Variants in KIAA1217 observed in about 807,000 individuals in gnomAD.
KIAA1217 encodes the protein KIAA1217, also known as sickle tail protein homolog.
Under a neutral mutation model 163.9 loss-of-function variants are expected in KIAA1217, and 88 were observed. The observed-to-expected ratio is 0.54, with a 90% CI of 0.45 to 0.64. The LOEUF (loss-of-function observed/expected upper bound fraction) is 0.64. KIAA1217 is among the 30% of genes least tolerant of loss of function. The pLI is 0.00. For synonymous variants in KIAA1217, 903 were observed against 923.1 expected, an observed-to-expected ratio of 0.98 and a Z score of 0.39; for missense variants, 2,372 against 2,475.0, an observed-to-expected ratio of 0.96 and a Z score of 0.88.
In KIAA1217 at chr10:24,543,582, C is replaced by T. The variant is rs1199977214; in HGVS notation, c.4312C>T (p.Leu1438=). 2 of 1,614,090 alleles carry T rather than the reference C, an allele frequency of 1.2e-6. No homozygotes were observed. Among genetic ancestry groups the T allele is most frequent in the Non-Finnish European group, 1.7e-6 (2 of 1,180,026 alleles). ...GTDNEDPVVC[L]DKKPVIIIFD... ...TGACAATGAGGATCCAGTCGTGTGCCTGGACAAGAAACCAGTGATCATCAT... is the reference window on the plus strand; with the variant it reads ...TGACAATGAGGATCCAGTCGTGTGCTTGGACAAGAAACCAGTGATCATCAT... The change falls in exon 19 of 21, where the codon CTG becomes TTG. Residue 1438 remains leucine (L), a synonymous_variant. Transcript: ENST00000376454.
rs916703313 is a variant in KIAA1217 at position 23,773,768 on chromosome 10, C to G, written c.-321+78534C>G. The stretch of plus-strand genomic sequence containing the variant: ...CTCATGATTTGGCTCTCTGTCTGTT[C>G]TTGGTGTATAAGAATGCTTGTGATT... On this transcript the variant is annotated intron_variant, in intron 1 of 18. Transcript: ENST00000376462. Among the ~76,000 whole-genome samples the G allele has an allele frequency of 1.3e-4, 19 of 151,884 alleles. No individual in the cohort carries two copies. In the East Asian group the frequency reaches 1.9e-3, roughly 15 times the overall value.
At chr10:24,472,969 C>G (rs2063687013) in intron 5 of KIAA1217, among the ~76,000 whole-genome samples, 1 of 152,174 alleles carries the variant, frequency 6.6e-6, no homozygotes, top group South Asian at 2.1e-4. Flanking sequence ...TCCCCTGGAG[C>G]TGATTTCCCT....
At chr10:24,132,740 A>G (rs534672746) in intron 2 of KIAA1217, among the ~76,000 whole-genome samples, 1 of 152,324 alleles carries the variant, frequency 6.6e-6, no homozygotes, top group South Asian at 2.1e-4. Context: ...ATGGCCCCCA[A>G]GAGTGAAGGT....
chr10:24,230,016 A>G (rs556040926), intron 2 of KIAA1217, among the ~76,000 whole-genome samples: 1 of 152,324 alleles, frequency 6.6e-6, no homozygotes. Flanking sequence ...AATATTAATA[A>G]GCCACAATAG....
At chr10:23,966,812 T>C (rs1489220088) in intron 1 of KIAA1217, among the ~76,000 whole-genome samples, 1 of 152,208 alleles carries the variant, frequency 6.6e-6, no homozygotes, top group African/African-American at 2.4e-5. Context: ...TATGTGATGA[T>C]GTAATTAATT....
chr10:23,838,127 G>A (rs1302510641), intron 1 of KIAA1217, among the ~76,000 whole-genome samples: 1 of 152,168 alleles, frequency 6.6e-6, no homozygotes, highest in Non-Finnish European at 1.5e-5. Flanking sequence ...TGTTGGGCAT[G>A]TGGAGATTGT....
At chr10:24,255,640 G>A (rs753613780) in intron 2 of KIAA1217, 1 of 426,148 alleles carries the variant, frequency 2.3e-6, no homozygotes, top group South Asian at 1.7e-5. Context: ...CCCCCCCTGG[G>A]GTCCCTAAAC....
At position 24,524,780 on chromosome 10, in the gene KIAA1217, T is replaced by C. The variant is rs776829155; in HGVS notation, c.2898+16T>C. 1.3e-6 allele frequency: 2 copies of C among 1,563,098 alleles called. No individual in the cohort carries two copies. Among genetic ancestry groups the C allele is most frequent in the Admixed American group, 1.8e-5 (1 of 55,554 alleles). ...GTCTATCGAGGTAGAGTCCTATTTC[T>C]GTTTCTCATAACCCCATAAAGGAGT... is the stretch of plus-strand genomic sequence containing the variant. On this transcript the variant is annotated intron_variant, in intron 13 of 20. Transcript: ENST00000376454.
intron 1 of KIAA1217, among the ~76,000 whole-genome samples, chr10:23,989,550 G>A (rs1350656041): frequency 6.6e-6 from 1 of 152,180 alleles, no homozygotes; most frequent in Non-Finnish European, 1.5e-5. Context: ...CCTGTCACAT[G>A]AGAGTCTTTA....
intron 2 of KIAA1217, among the ~76,000 whole-genome samples, chr10:24,097,968 T>C (rs1298521536): frequency 6.6e-6 from 1 of 151,988 alleles, no homozygotes; most frequent in Non-Finnish European, 1.5e-5. Context: ...CGGATCTCTG[T>C]GTTCCAGGGG....
chr10:24,171,547 G>A (rs979576279), intron 2 of KIAA1217, among the ~76,000 whole-genome samples: 10 of 152,200 alleles, frequency 6.6e-5, no homozygotes, highest in African/African-American at 1.4e-4. Flanking sequence ...GCTCACGCCT[G>A]TAATCCCAGC....
intron 1 of KIAA1217, among the ~76,000 whole-genome samples, chr10:23,846,437 A>C (rs1771008699): frequency 6.6e-6 from 1 of 151,990 alleles, no homozygotes. Context: ...CTCCTTGAAG[A>C]GGTCCTTCAC....
At chr10:23,896,195 G>T (rs1320019459) in intron 1 of KIAA1217, among the ~76,000 whole-genome samples, 2 of 151,244 alleles carry the variant, frequency 1.3e-5, no homozygotes, top group South Asian at 2.1e-4. Context: ...AAGGCAAATG[G>T]CTCCATATTT....
At chr10:23,708,330 T>C (rs1279256430) in intron 1 of KIAA1217, among the ~76,000 whole-genome samples, 2 of 152,160 alleles carry the variant, frequency 1.3e-5, no homozygotes, top group Non-Finnish European at 2.9e-5. Flanking sequence ...CCAAACCCTA[T>C]TACAGGGTTA....
In KIAA1217 at chr10:24,474,239, T is replaced by A. The variant is rs148868420; in HGVS notation, c.1679+179T>A. On this transcript the variant is annotated intron_variant, in intron 6 of 20. Transcript: ENST00000376454. The stretch of plus-strand genomic sequence containing the variant: ...GCCACCATTGTCTGCAAATAGTTTC[T>A]AAATTGGCAGGGGTTACAGTCATTA... Among the ~76,000 whole-genome samples, 808 of 152,274 alleles carry A rather than the reference T, an allele frequency of 5.3e-3. 10 individuals carry two copies. The highest frequency in any genetic ancestry group is 0.018 in the African/African-American group (749 of 41,562).
intron 2 of KIAA1217, among the ~76,000 whole-genome samples, chr10:24,099,403 C>G (rs1268915582): frequency 1.3e-5 from 2 of 151,144 alleles, no homozygotes; most frequent in Non-Finnish European, 2.9e-5. Context: ...TCTCATTGTT[C>G]AATTCCCACC....
At chr10:24,440,184 C>T (rs975713797) in intron 5 of KIAA1217, among the ~76,000 whole-genome samples, 17 of 152,182 alleles carry the variant, frequency 1.1e-4, no homozygotes, top group African/African-American at 4.1e-4. Flanking sequence ...TTCAGAAATT[C>T]TAGGATTTTC....
intron 1 of KIAA1217, among the ~76,000 whole-genome samples, chr10:23,759,012 G>C (rs1834097831): frequency 6.6e-6 from 1 of 152,030 alleles, no homozygotes; most frequent in East Asian, 1.9e-4. Context: ...GATTGCTTTG[G>C]GTAGTATTGA....
intron 3 of KIAA1217, among the ~76,000 whole-genome samples, chr10:24,390,205 G>C (rs2054665177): frequency 6.6e-6 from 1 of 152,112 alleles, no homozygotes; most frequent in Non-Finnish European, 1.5e-5. Flanking sequence ...AGTGCTGCCT[G>C]TTCTGTGTGT....
Sources: allele counts gnomAD v4.1 joint callset (sites outside exome capture counted in the v4.1 genomes callset), GRCh38; gene constraint gnomAD v4.1.1; transcripts MANE v1.5; gene names NCBI Gene and HGNC (gene_info 2026-07-23, HGNC 2026-07-21).